The following GPM6A variants were observed in gnomAD, a reference collection of about 807,000 sequenced individuals.
The protein encoded by GPM6A is neuronal membrane glycoprotein M6-a.
GPM6A carries 7 observed loss-of-function variants against 32.1 expected under a neutral mutation model. The observed-to-expected ratio is 0.22, with a 90% CI of 0.12 to 0.41. The LOEUF (loss-of-function observed/expected upper bound fraction) is 0.41, where lower values mean the gene tolerates loss of function less well. GPM6A is among the 10% of genes least tolerant of loss of function. GPM6A has a pLI of 1.00. For synonymous variants in GPM6A, 130 were observed against 123.4 expected (o/e 1.05, Z -0.35); for missense variants, 235 against 347.2 (o/e 0.68, Z 2.57).
At chr4:175,933,985 A>C (rs1739142301) in intron 1 of GPM6A, among the ~76,000 whole-genome samples, 1 of 152,364 alleles carries the variant, frequency 6.6e-6, no homozygotes, top group South Asian at 2.1e-4. Context: ...GTAGAATAAC[A>C]TGTATGAATT....
chr4:175,816,270 T>C (rs974325785), upstream of GPM6A, among the ~76,000 whole-genome samples: 1 of 152,214 alleles, frequency 6.6e-6, no homozygotes, highest in African/African-American at 2.4e-5. Context: ...AGATTTCCCT[T>C]TCAAATACTG....
intron 3 of GPM6A, among the ~76,000 whole-genome samples, chr4:175,661,619 C>T (rs1350640596): frequency 1.3e-5 from 2 of 152,116 alleles, no homozygotes; most frequent in Non-Finnish European, 2.9e-5. Context: ...ATCAGCCCCT[C>T]CATTGTGACC....
intron 3 of GPM6A, among the ~76,000 whole-genome samples, chr4:175,653,657 T>C (rs942736952): frequency 2.4e-4 from 37 of 152,276 alleles, no homozygotes; most frequent in Non-Finnish European, 1.6e-4. Flanking sequence ...TTTAGAATTA[T>C]TTTAGTCTTG....
intron 1 of GPM6A, among the ~76,000 whole-genome samples, chr4:175,917,452 C>T (rs944474308): frequency 1.5e-4 from 23 of 152,104 alleles, no homozygotes; most frequent in Non-Finnish European, 2.4e-4. Flanking sequence ...AACAATGAAA[C>T]GAAGGGCTTG....
Position 175,939,856 on chromosome 4 carries a change from A to G in GPM6A, c.-23+62453T>C, listed in dbSNP as rs551496484. ...TTATCTGCTTCACTCTTAATAAGCA[A>G]AAAAAAAAACCTGACATTTGGCAAT... On this transcript the variant is annotated intron_variant, in intron 1 of 7. Transcript: ENST00000280187. 5.7e-3 allele frequency among the ~76,000 whole-genome samples: 777 copies of G among 135,650 alleles called. 2 individuals carry two copies. Among genetic ancestry groups the G allele is most frequent in the African/African-American group, 0.026 (722 of 27,446 alleles). The allele number at this position is 135,650 out of a possible 152,430, so 89.0% of individuals were successfully genotyped here. A position where few individuals can be genotyped will look rare whatever the true frequency, so the allele number is the denominator to read the frequency against.
At chr4:175,969,880 C>T (rs761847193) in intron 1 of GPM6A, among the ~76,000 whole-genome samples, 2 of 152,050 alleles carry the variant, frequency 1.3e-5, no homozygotes, top group Non-Finnish European at 2.9e-5. Context: ...TCTAAAATGG[C>T]TCTAAAAATA....
chr4:175,842,987 A>T, intron 1 of GPM6A, among the ~76,000 whole-genome samples: 2 of 151,146 alleles, frequency 1.3e-5, no homozygotes, highest in Middle Eastern at 7.1e-3. Context: ...TGTAAAATAT[A>T]TAAATTACAT....
intron 1 of GPM6A, among the ~76,000 whole-genome samples, chr4:175,854,537 AG>A (rs1216502051): frequency 6.6e-6 from 1 of 152,218 alleles, no homozygotes; most frequent in Non-Finnish European, 1.5e-5. Flanking sequence ...TCCAAGACAA[AG>A]GGCAGTATGT....
intron 1 of GPM6A, among the ~76,000 whole-genome samples, chr4:175,969,091 G>A (rs1011801217): frequency 2.0e-5 from 3 of 152,172 alleles, no homozygotes; most frequent in East Asian, 3.9e-4. Context: ...AAAAAGTAAT[G>A]AGCTATCAAG....
intron 6 of GPM6A, among the ~76,000 whole-genome samples, chr4:175,637,089 TATATC>T (rs1740676388): frequency 7.8e-6 from 1 of 128,432 alleles, no homozygotes; most frequent in Non-Finnish European, 1.6e-5. Context: ...TAACATATAA[TATATC>T]ATATATAATA....
chr4:175,729,823 T>C (rs1479550400), intron 1 of GPM6A, among the ~76,000 whole-genome samples: 1 of 146,196 alleles, frequency 6.8e-6, no homozygotes, highest in African/African-American at 2.5e-5. Flanking sequence ...TTAATATATG[T>C]ATTTAATAAT....
chr4:175,851,747 G>A (rs73010126), intron 1 of GPM6A, among the ~76,000 whole-genome samples: 199 of 152,258 alleles, frequency 1.3e-3, no homozygotes, highest in African/African-American at 2.5e-3. Flanking sequence ...TCCAGTTCAC[G>A]CATTATGAAA....
intron 3 of GPM6A, among the ~76,000 whole-genome samples, chr4:175,660,459 A>C (rs570010898): frequency 1.2e-3 from 186 of 152,286 alleles, no homozygotes; most frequent in African/African-American, 4.4e-3. Context: ...ATATGAATTC[A>C]TGTGTTGAAA....
At chr4:175,640,312 A>G in intron 5 of GPM6A, 118 bp from the exon 6 acceptor site, 2 of 760,694 alleles carry the variant, frequency 2.6e-6, no homozygotes, top group South Asian at 3.0e-5. Context: ...CGAGCCTGTG[A>G]TAAATCACCC....
chr4:175,999,809 G>A (rs987030009), intron 1 of GPM6A, among the ~76,000 whole-genome samples: 4 of 152,062 alleles, frequency 2.6e-5, no homozygotes, highest in African/African-American at 7.2e-5. Flanking sequence ...ATTCTCCTAC[G>A]CTGTTTTTCC....
intron 1 of GPM6A, among the ~76,000 whole-genome samples, chr4:175,861,357 A>G (rs1391264295): frequency 6.6e-6 from 1 of 151,620 alleles, no homozygotes; most frequent in Non-Finnish European, 1.5e-5. Context: ...TATAAATTAT[A>G]TAGCTACGCA....
upstream of GPM6A, among the ~76,000 whole-genome samples, chr4:175,814,430 T>C (rs566765773): frequency 4.6e-5 from 7 of 152,346 alleles, no homozygotes; most frequent in East Asian, 1.4e-3. Flanking sequence ...TCCTACTCTG[T>C]TCCTTTATGA....
intron 3 of GPM6A, among the ~76,000 whole-genome samples, chr4:175,661,460 A>T (rs2110947073): frequency 6.6e-6 from 1 of 151,834 alleles, no homozygotes; most frequent in Admixed American, 6.6e-5. Context: ...AAAGTCACTG[A>T]AAGTCACTGA....
intron 1 of GPM6A, among the ~76,000 whole-genome samples, chr4:175,784,441 A>G (rs1337853087): frequency 6.6e-6 from 1 of 152,154 alleles, no homozygotes; most frequent in East Asian, 1.9e-4. Context: ...ATTGGAGATT[A>G]TTATATCTAT....
Sources: allele counts gnomAD v4.1 joint callset (sites outside exome capture counted in the v4.1 genomes callset), GRCh38; gene constraint gnomAD v4.1.1; transcripts MANE v1.5; gene names NCBI Gene and HGNC (gene_info 2026-07-23, HGNC 2026-07-21).